The following KLHL1 variants were observed in gnomAD, a reference collection of about 807,000 sequenced individuals.
KLHL1 encodes the protein kelch like family member 1, also known as kelch-like protein 1.
Under a neutral mutation model 77.7 loss-of-function variants are expected in KLHL1, and 47 were observed. The observed-to-expected ratio is 0.60, with a 90% CI of 0.48 to 0.77. The LOEUF is 0.77. Ranked by LOEUF, KLHL1 falls within the 30% of genes least tolerant of loss-of-function variation. The pLI, the probability that KLHL1 is intolerant of heterozygous loss-of-function variation, is 0.00. For synonymous variants in KLHL1, 360 were observed against 325.2 expected (o/e 1.11, Z -1.15); for missense variants, 925 against 910.8 (o/e 1.02, Z -0.20).
intron 6 of KLHL1, among the ~76,000 whole-genome samples, chr13:69,811,532 T>C (rs112087643): frequency 6.6e-6 from 1 of 152,050 alleles, no homozygotes; most frequent in Non-Finnish European, 1.5e-5. Flanking sequence ...ATACTGAATA[T>C]GCAGAAGCTT....
chr13:69,915,045 C>T (rs1455509537), intron 4 of KLHL1, among the ~76,000 whole-genome samples: 1 of 152,082 alleles, frequency 6.6e-6, no homozygotes, highest in Non-Finnish European at 1.5e-5. Context: ...TATGGTACTG[C>T]TCATTGGAAT....
At chr13:69,964,866 C>T (rs1449521738) in intron 2 of KLHL1, among the ~76,000 whole-genome samples, 1 of 152,074 alleles carries the variant, frequency 6.6e-6, no homozygotes, top group Non-Finnish European at 1.5e-5. Flanking sequence ...TGGTCAATTT[C>T]CATTGACTGA....
chr13:70,062,729 T>G (rs2137407356), intron 1 of KLHL1, among the ~76,000 whole-genome samples: 1 of 152,310 alleles, frequency 6.6e-6, no homozygotes, highest in East Asian at 1.9e-4. Flanking sequence ...TCTTGCTTCT[T>G]AATGTATTAA....
At chr13:69,963,071 T>A (rs79369594) in intron 2 of KLHL1, among the ~76,000 whole-genome samples, 2 of 151,824 alleles carry the variant, frequency 1.3e-5, no homozygotes, top group African/African-American at 4.8e-5. Flanking sequence ...AATTTCAGCA[T>A]TTTTTTTAGA....
intron 7 of KLHL1, among the ~76,000 whole-genome samples, chr13:69,779,934 C>T (rs577816015): frequency 1.2e-4 from 18 of 152,106 alleles, no homozygotes; most frequent in South Asian, 1.0e-3. Context: ...CCACAGCCTC[C>T]GAAGTATTAC....
At chr13:70,003,465 A>T (rs576735442) in intron 1 of KLHL1, among the ~76,000 whole-genome samples, 14 of 151,874 alleles carry the variant, frequency 9.2e-5, no homozygotes, top group Admixed American at 8.6e-4. Flanking sequence ...GGTGTGCATC[A>T]TGAAATATTT....
intron 5 of KLHL1, among the ~76,000 whole-genome samples, chr13:69,853,389 CT>C (rs1206716718): frequency 6.6e-6 from 1 of 151,950 alleles, no homozygotes; most frequent in East Asian, 1.9e-4. Context: ...GTTGCTTCTC[CT>C]TCCACCATGA....
At chr13:69,761,481 A>G (rs2137965685) in intron 7 of KLHL1, among the ~76,000 whole-genome samples, 1 of 152,320 alleles carries the variant, frequency 6.6e-6, no homozygotes, top group East Asian at 1.9e-4. Flanking sequence ...GGTTAAACTT[A>G]GGCTAAATTT....
intron 10 of KLHL1, among the ~76,000 whole-genome samples, chr13:69,706,893 C>A (rs1202028348): frequency 1.3e-5 from 2 of 151,830 alleles, no homozygotes; most frequent in Non-Finnish European, 2.9e-5. Context: ...CACACACCAA[C>A]ACACATCCTC....
At chr13:69,984,148 A>C (rs534543779) in intron 1 of KLHL1, among the ~76,000 whole-genome samples, 6 of 152,292 alleles carry the variant, frequency 3.9e-5, no homozygotes, top group African/African-American at 1.4e-4. Flanking sequence ...ATGTACAAAT[A>C]GACAAGCGGG....
chr13:70,042,014 T>C (rs1886389625), intron 1 of KLHL1, among the ~76,000 whole-genome samples: 1 of 152,128 alleles, frequency 6.6e-6, no homozygotes, highest in Non-Finnish European at 1.5e-5. Context: ...CATCTAAAAG[T>C]TTTCTGTCTT....
At position 69,821,359 on chromosome 13, in the gene KLHL1, G is replaced by A. The variant is rs191267161; in HGVS notation, c.1414+17617C>T. 3.4e-3 allele frequency among the ~76,000 whole-genome samples: 519 copies of A among 151,862 alleles called. 3 individuals are homozygous for A. Among genetic ancestry groups the A allele is most frequent in the African/African-American group, 0.012 (485 of 41,420 alleles). ...AGATAGAGTCTCACTCTGTCGCCCA[G>A]GCTGGAGTGCAGTGGCCTGATCTTG... is the stretch of plus-strand genomic sequence containing the variant. On this transcript the variant is annotated intron_variant, in intron 6 of 10. Coordinates refer to ENST00000377844, the MANE Select transcript of KLHL1 (RefSeq NM_020866.3).
chr13:69,802,875 T>G (rs915588653), intron 6 of KLHL1: 12 of 152,192 alleles, frequency 7.9e-5, no homozygotes, highest in Non-Finnish European at 1.5e-5. Context: ...GTCTGTGGCT[T>G]GTCCTGCTAC....
intron 4 of KLHL1, among the ~76,000 whole-genome samples, chr13:69,887,507 T>G (rs566626445): frequency 1.3e-5 from 2 of 152,328 alleles, no homozygotes; most frequent in South Asian, 4.1e-4. Context: ...AAATTTACTA[T>G]AAGCAGTTGA....
chr13:69,787,010 G>A (rs1387882368), intron 7 of KLHL1, among the ~76,000 whole-genome samples: 1 of 152,080 alleles, frequency 6.6e-6, no homozygotes, highest in African/African-American at 2.4e-5. Flanking sequence ...AAATAAAAGA[G>A]GATACAAACA....
At chr13:69,846,867 TATG>T (rs3048189) in intron 5 of KLHL1, among the ~76,000 whole-genome samples, 141,141 of 151,046 alleles carry the variant, frequency 0.93, 66,172 homozygotes, top group East Asian at 0.99. Context: ...ATACATAAAT[TATG>T]ATGCTAAAGG....
intron 6 of KLHL1, among the ~76,000 whole-genome samples, chr13:69,824,739 T>C (rs905978184): frequency 3.3e-5 from 5 of 152,114 alleles, no homozygotes; most frequent in African/African-American, 1.2e-4. Context: ...ATAGTTGTCT[T>C]TGGAGATGTG....
intron 1 of KLHL1, among the ~76,000 whole-genome samples, chr13:70,005,974 T>TC (rs1885396186): frequency 6.6e-6 from 1 of 151,986 alleles, no homozygotes; most frequent in Non-Finnish European, 1.5e-5. Flanking sequence ...CATCTTGCCT[T>TC]CCTAAAACTT....
intron 9 of KLHL1, among the ~76,000 whole-genome samples, chr13:69,711,186 A>G (rs1875860861): frequency 6.6e-6 from 1 of 152,142 alleles, no homozygotes; most frequent in Non-Finnish European, 1.5e-5. Context: ...CTTTCTTAAC[A>G]AATAGAATTG....
Sources: allele counts gnomAD v4.1 joint callset (sites outside exome capture counted in the v4.1 genomes callset), GRCh38; gene constraint gnomAD v4.1.1; transcripts MANE v1.5; gene names NCBI Gene and HGNC (gene_info 2026-07-23, HGNC 2026-07-21).